The following CDIN1 variants were observed in gnomAD, a reference collection of about 807,000 sequenced individuals.
CDIN1 encodes CDAN1-interacting nuclease 1.
In CDIN1, 33 loss-of-function variants were observed where a neutral mutation model predicts 45.3. The observed-to-expected ratio is 0.73, with a 90% CI of 0.55 to 0.97. The LOEUF (loss-of-function observed/expected upper bound fraction) is 0.97, where lower values mean the gene tolerates loss of function less well. Ranked by LOEUF, CDIN1 falls within the 50% of genes least tolerant of loss-of-function variation. CDIN1 has a pLI of 0.00. For missense variants in CDIN1, 303 were observed against 339.4 expected (o/e 0.89, Z 0.84); for synonymous variants, 118 against 124.4 (o/e 0.95, Z 0.34).
intron 1 of CDIN1, among the ~76,000 whole-genome samples, chr15:36,615,666 A>G (rs2038854175): frequency 6.6e-6 from 1 of 152,216 alleles, no homozygotes; most frequent in African/African-American, 2.4e-5. Flanking sequence ...GCCCAAAGCA[A>G]TTCTATTGAG....
At chr15:36,623,376 A>C (rs1199396959) in intron 1 of CDIN1, among the ~76,000 whole-genome samples, 1 of 152,224 alleles carries the variant, frequency 6.6e-6, no homozygotes, top group South Asian at 2.1e-4. Context: ...ACATACTGTC[A>C]ATATAACTTT....
At chr15:36,679,538 C>T (rs764793735) in intron 5 of CDIN1, among the ~76,000 whole-genome samples, 5 of 152,118 alleles carry the variant, frequency 3.3e-5, no homozygotes, top group East Asian at 1.9e-4. Context: ...TGCTCATAAC[C>T]GCTTATCCTT....
chr15:36,757,374 T>C (rs1290809602), intron 10 of CDIN1, among the ~76,000 whole-genome samples: 1 of 152,190 alleles, frequency 6.6e-6, no homozygotes, highest in Non-Finnish European at 1.5e-5. Context: ...TAGTGAGTTG[T>C]AGCCACTTGG....
At chr15:36,599,596 T>TGCTAC (rs1371479855) in intron 1 of CDIN1, among the ~76,000 whole-genome samples, 2 of 152,240 alleles carry the variant, frequency 1.3e-5, no homozygotes, top group Admixed American at 6.5e-5. Flanking sequence ...TATGTTGAGC[T>TGCTAC]GCTACGTGAA....
In CDIN1 at chr15:36,800,909, G is replaced by GTATATATATATATATATA. The variant is rs370036091; in HGVS notation, c.717-7397_717-7380dup. Among the ~76,000 whole-genome samples, 19 of 22,378 alleles carry GTATATATATATATATATA rather than the reference G, an allele frequency of 8.5e-4. 2 individuals are homozygous for GTATATATATATATATATA. Among genetic ancestry groups the GTATATATATATATATATA allele is most frequent in the Non-Finnish European group, 1.4e-3 (12 of 8,552 alleles). The allele number at this position is 22,378 out of a possible 152,430, so 14.7% of individuals were successfully genotyped here. On this transcript the variant is annotated intron_variant, in intron 10 of 10. Coordinates refer to ENST00000566621, the MANE Select transcript of CDIN1 (RefSeq NM_001321759.2). ...TGTGTGTGTGTGTGTGTGTGTGTGT[G>GTATATATATATATATATA]TATATATATATATATATATATATAT...
chr15:36,683,311 C>T (rs1269739291), intron 5 of CDIN1, among the ~76,000 whole-genome samples: 1 of 137,128 alleles, frequency 7.3e-6, no homozygotes, highest in African/African-American at 2.8e-5. Context: ...GCCAGTTTTC[C>T]CAGCACCATT....
intron 1 of CDIN1, among the ~76,000 whole-genome samples, chr15:36,637,881 G>C (rs1490112609): frequency 6.6e-6 from 1 of 152,102 alleles, no homozygotes; most frequent in Non-Finnish European, 1.5e-5. Flanking sequence ...CTAACCTGTA[G>C]AACCTAAGGG....
At chr15:36,613,916 T>A in intron 1 of CDIN1, 1 of 1,549,856 alleles carries the variant, frequency 6.5e-7, no homozygotes, top group African/African-American at 1.4e-5. Flanking sequence ...TGAGCTGAGC[T>A]GGCAGAGCCC....
intron 1 of CDIN1, among the ~76,000 whole-genome samples, chr15:36,582,096 A>G (rs2037072710): frequency 6.6e-6 from 1 of 152,240 alleles, no homozygotes; most frequent in African/African-American, 2.4e-5. Flanking sequence ...GAAAGCTCAA[A>G]TTTTATCATT....
chr15:36,668,146 A>G (rs902849839), intron 5 of CDIN1: 4 of 152,120 alleles, frequency 2.6e-5, no homozygotes, highest in Admixed American at 2.6e-4. Flanking sequence ...GTACAGGACT[A>G]ATTTTTCTTG....
At chr15:36,745,827 G>T (rs1056729185) in intron 10 of CDIN1, among the ~76,000 whole-genome samples, 4 of 151,998 alleles carry the variant, frequency 2.6e-5, no homozygotes, top group Admixed American at 2.0e-4. Context: ...TTAGCCAGGC[G>T]TGGGGGTGGA....
chr15:36,735,333 G>A (rs563054797), intron 10 of CDIN1, among the ~76,000 whole-genome samples: 21 of 152,174 alleles, frequency 1.4e-4, no homozygotes, highest in African/African-American at 4.6e-4. Flanking sequence ...TAGTTTTAGT[G>A]TAAAATTTAA....
At chr15:36,633,749 G>A (rs1371101939) in intron 1 of CDIN1, among the ~76,000 whole-genome samples, 3 of 149,366 alleles carry the variant, frequency 2.0e-5, no homozygotes, top group Non-Finnish European at 3.0e-5. Context: ...TTCCACCCAT[G>A]ATACTTTTTT....
chr15:36,765,433 C>T (rs2141010139), intron 10 of CDIN1, among the ~76,000 whole-genome samples: 1 of 152,230 alleles, frequency 6.6e-6, no homozygotes, highest in South Asian at 2.1e-4. Flanking sequence ...CTTTCACTTG[C>T]AGCAGAATTT....
intron 10 of CDIN1, among the ~76,000 whole-genome samples, chr15:36,764,550 TC>T (rs933507591): frequency 6.6e-6 from 1 of 152,196 alleles, no homozygotes; most frequent in African/African-American, 2.4e-5. Context: ...GTTTGTTTAT[TC>T]CCTGCCCCAT....
intron 10 of CDIN1, among the ~76,000 whole-genome samples, chr15:36,756,687 A>G (rs1296348445): frequency 6.6e-6 from 1 of 152,204 alleles, no homozygotes; most frequent in Non-Finnish European, 1.5e-5. Flanking sequence ...ATCTGTTTGT[A>G]TTGGTGTGCA....
At chr15:36,723,117 A>G (rs923863907) in intron 10 of CDIN1, among the ~76,000 whole-genome samples, 7 of 152,166 alleles carry the variant, frequency 4.6e-5, no homozygotes, top group African/African-American at 1.7e-4. Context: ...CTTTTCTCAC[A>G]CAGGATTGTA....
intron 10 of CDIN1, among the ~76,000 whole-genome samples, chr15:36,770,507 G>A (rs1051839761): frequency 1.3e-5 from 2 of 151,954 alleles, no homozygotes; most frequent in Non-Finnish European, 2.9e-5. Context: ...GGAGTGCAAT[G>A]GCACAATCTC....
At chr15:36,604,454 C>CACACAT (rs1177261533) in intron 1 of CDIN1, among the ~76,000 whole-genome samples, 1 of 151,444 alleles carries the variant, frequency 6.6e-6, no homozygotes, top group African/African-American at 2.4e-5. Context: ...CACACACACA[C>CACACAT]ACATTTTAGA....
Sources: gnomAD v4.1 joint callset for allele counts (sites outside exome capture counted in the v4.1 genomes callset) on GRCh38, gnomAD v4.1.1 for gene constraint, MANE v1.5 for transcripts, NCBI Gene and HGNC (gene_info 2026-07-23, HGNC 2026-07-21) for gene names.